Variants in KIAA0319L observed in about 807,000 individuals in gnomAD.
The protein encoded by KIAA0319L is dyslexia-associated protein KIAA0319-like protein.
In KIAA0319L, 55 loss-of-function variants were observed where a neutral mutation model predicts 120.1. The observed-to-expected ratio is 0.46, with a 90% confidence interval of 0.37 to 0.57. KIAA0319L has a LOEUF of 0.57. KIAA0319L is among the 20% of genes least tolerant of loss of function. The pLI is 0.00. For synonymous variants in KIAA0319L, 398 were observed against 471.9 expected, an observed-to-expected ratio of 0.84 and a Z score of 2.03; for missense variants, 1,049 against 1,255.3, an observed-to-expected ratio of 0.84 and a Z score of 2.48.
intron 2 of KIAA0319L, among the ~76,000 whole-genome samples, chr1:35,521,638 A>T (rs1010335270): frequency 2.7e-5 from 4 of 149,304 alleles, no homozygotes; most frequent in East Asian, 2.0e-4. Flanking sequence ...CGTCTCAAAA[A>T]AATAATAATA....
intron 15 of KIAA0319L, among the ~76,000 whole-genome samples, chr1:35,448,631 C>T (rs1230388723): frequency 2.6e-5 from 4 of 152,180 alleles, no homozygotes; most frequent in Admixed American, 1.3e-4. Flanking sequence ...GAGAGAAACA[C>T]TTAAACATTT....
chr1:35,523,728 C>A (rs1290838558), intron 2 of KIAA0319L, among the ~76,000 whole-genome samples: 1 of 152,194 alleles, frequency 6.6e-6, no homozygotes, highest in Admixed American at 6.5e-5. Flanking sequence ...TACCTCCCAA[C>A]TCAGAGATAC....
intron 1 of KIAA0319L, chr1:35,554,753 A>G (rs1571064522): frequency 3.3e-6 from 1 of 302,020 alleles, no homozygotes; most frequent in Non-Finnish European, 6.0e-6. Context: ...GAAACTTTAT[A>G]TTCCTTTTTT....
chr1:35,498,932 G>A (rs1375519636), intron 3 of KIAA0319L, among the ~76,000 whole-genome samples: 1 of 152,188 alleles, frequency 6.6e-6, no homozygotes, highest in Non-Finnish European at 1.5e-5. Context: ...TCCTGCAGTG[G>A]CATTAGTCGG....
intron 2 of KIAA0319L, among the ~76,000 whole-genome samples, chr1:35,537,429 G>A (rs1646622582): frequency 7.2e-6 from 1 of 139,366 alleles, no homozygotes; most frequent in Non-Finnish European, 1.5e-5. Context: ...TTTTTAAAGA[G>A]AAGGTCATTT....
At position 35,530,559 on chromosome 1, in the gene KIAA0319L, T is replaced by A. The variant is rs1232195746; in HGVS notation, c.143-23424A>T. 2.0e-5 allele frequency among the ~76,000 whole-genome samples: 3 copies of A among 152,244 alleles called. No homozygotes were observed. The East Asian group carries it at 5.8e-4, about 29-fold the overall frequency. ...CTAAGCCTCTTTAGTATCATGATTT[T>A]GAATTTTCAGGCAGATCATAAATTT... is the stretch of plus-strand genomic sequence containing the variant. On this transcript the variant is annotated intron_variant, in intron 2 of 20. Coordinates refer to ENST00000325722, the MANE Select transcript of KIAA0319L (RefSeq NM_024874.5).
rs1641779282 is a variant in KIAA0319L at position 35,448,184 on chromosome 1, G to A, written c.2502C>T (p.Tyr834=). The A allele has an allele frequency of 1.2e-6, 2 of 1,613,058 alleles. No homozygotes were observed. The highest frequency in any genetic ancestry group is 1.7e-6 in the Non-Finnish European group (2 of 1,179,564). The change falls in exon 16 of 21, where the codon TAC becomes TAT. Residue 834 remains tyrosine, a synonymous_variant. Coordinates refer to ENST00000325722, the MANE Select transcript of KIAA0319L (RefSeq NM_024874.5). ...CATTGCCCAGCTACCTCTGCTCCGT[G>A]TACGGCTGAATCTTTTGCACAATGA... The part of the protein sequence containing the change: ...SDIIVQKIQP[Y]TEQSTKMVFF...
chr1:35,504,051 A>C (rs1203147), intron 3 of KIAA0319L, among the ~76,000 whole-genome samples: 52,826 of 151,042 alleles, frequency 0.35, 11,650 homozygotes, highest in African/African-American at 0.61. Flanking sequence ...TCACCTCGCT[A>C]ATTTTTGTAT....
rs554050475 is a variant in KIAA0319L, at chr1:35,448,155, C to A, written c.2513+18G>T. ...CCCCTGGTCTTTCCTTTGCTCCCCC[C>A]ATTCATTGCCCAGCTACCTCTGCTC... On this transcript the variant is annotated intron_variant, in intron 16 of 20. Transcript: ENST00000325722. 9.6e-6 allele frequency: 15 copies of A among 1,566,444 alleles called. No individual in the cohort carries two copies. The highest frequency in any genetic ancestry group is 3.7e-5 in the Admixed American group (2 of 54,002).
rs111623677 is a variant in KIAA0319L at position 35,468,491 on chromosome 1, A to C, written c.1114-1796T>G. On this transcript the variant is annotated intron_variant, in intron 6 of 20. Coordinates refer to ENST00000325722, the MANE Select transcript of KIAA0319L (RefSeq NM_024874.5). ...GACCTCCAGTCCCTTTCCCCCAGCT[A>C]CTAACAGGACAACTCAATTCAAATG... Among the ~76,000 whole-genome samples, 18 of 152,286 alleles carry C rather than the reference A, an allele frequency of 1.2e-4. 2 individuals are homozygous for C. Among genetic ancestry groups the C allele is most frequent in the African/African-American group, 3.9e-4 (16 of 41,548 alleles).
rs1323222404 is a variant in KIAA0319L, at chr1:35,506,652, G to A, written c.626C>T (p.Ser209Phe). The part of the protein sequence containing the change: ...IVTQHSKVND[S>F]NELGGLTTSG... ...GGTAGTCAGACCACCTAATTCGTTGGAGTCATTCACTTTAGAATGCTGTGT... is the reference window on the plus strand; with the variant it reads ...GGTAGTCAGACCACCTAATTCGTTGAAGTCATTCACTTTAGAATGCTGTGT... Residue 209 changes from serine (S) to phenylalanine (F), a missense_variant, in exon 3 of 21, where the codon TCC becomes TTC. By Grantham distance (155) the Ser-to-Phe change is radical. Coordinates refer to ENST00000325722, the MANE Select transcript of KIAA0319L (RefSeq NM_024874.5). The surrounding 1 kb of genome is among the most constrained non-coding windows in gnomAD (Gnocchi z 4.0). 3.1e-6 allele frequency: 5 copies of A among 1,613,980 alleles called. No homozygotes were observed. The highest frequency in any genetic ancestry group is 4.2e-6 in the Non-Finnish European group (5 of 1,179,988).
intron 2 of KIAA0319L, among the ~76,000 whole-genome samples, chr1:35,553,023 T>C (rs1341923524): frequency 6.6e-6 from 1 of 151,498 alleles, no homozygotes; most frequent in Non-Finnish European, 1.5e-5. Context: ...GGAGGCAGAG[T>C]TTGCAGTGAG....
intron 3 of KIAA0319L, among the ~76,000 whole-genome samples, chr1:35,492,633 T>C (rs1644640911): frequency 6.6e-6 from 1 of 152,010 alleles, no homozygotes; most frequent in Non-Finnish European, 1.5e-5. Flanking sequence ...CATATTAACA[T>C]ACTAAAAACA....
intron 3 of KIAA0319L, among the ~76,000 whole-genome samples, chr1:35,484,128 T>A (rs1644275957): frequency 6.6e-6 from 1 of 152,218 alleles, no homozygotes; most frequent in Non-Finnish European, 1.5e-5. Flanking sequence ...CATGCTGAGG[T>A]TCCAGATGGA....
At chr1:35,522,880 G>A (rs903352652) in intron 2 of KIAA0319L, among the ~76,000 whole-genome samples, 11 of 151,536 alleles carry the variant, frequency 7.3e-5, no homozygotes, top group African/African-American at 1.5e-4. Context: ...TTAGCCGGGC[G>A]TGGTGGCAGG....
rs1189085625 is a variant in KIAA0319L at position 35,513,267 on chromosome 1, CATAT to C, written c.143-6136_143-6133del. 8.2e-3 allele frequency among the ~76,000 whole-genome samples: 884 copies of C among 107,398 alleles called. 8 individuals carry two copies. Among genetic ancestry groups the C allele is most frequent in the African/African-American group, 0.019 (519 of 27,162 alleles). 70.5% of individuals were successfully genotyped at this position (107,398 alleles called of 152,430 possible). ...ATATATATAAATCATATCTATATAACATATATATATATATATATATATTTTTTTT... is the reference window on the plus strand; with the variant it reads ...ATATATATAAATCATATCTATATAACATATATATATATATATATTTTTTTT... On this transcript the variant is annotated intron_variant, in intron 2 of 20. Transcript: ENST00000325722.
intron 2 of KIAA0319L, among the ~76,000 whole-genome samples, chr1:35,544,768 G>A (rs780218551): frequency 1.2e-4 from 18 of 152,178 alleles, no homozygotes; most frequent in Non-Finnish European, 2.4e-4. Flanking sequence ...AAGCCATAAT[G>A]GAGTAGCTGA....
At chr1:35,496,947 C>CAAAAAAA (rs754043280) in intron 3 of KIAA0319L, among the ~76,000 whole-genome samples, 1 of 50,228 alleles carries the variant, frequency 2.0e-5, no homozygotes, top group Non-Finnish European at 3.8e-5. Flanking sequence ...ATTGTGTCTC[C>CAAAAAAA]AAAAAAAAAA....
chr1:35,538,288 G>A (rs1246198294), intron 2 of KIAA0319L, among the ~76,000 whole-genome samples: 1 of 152,076 alleles, frequency 6.6e-6, no homozygotes. Flanking sequence ...GCATCCTAGA[G>A]AAGGTACAAA....
Sources: allele counts gnomAD v4.1 joint callset (sites outside exome capture counted in the v4.1 genomes callset), GRCh38; gene constraint gnomAD v4.1.1; non-coding constraint Gnocchi (gnomAD v3.1); transcripts MANE v1.5; gene names NCBI Gene and HGNC (gene_info 2026-07-23, HGNC 2026-07-21).